The following MED13L variants were observed in gnomAD, a reference collection of about 807,000 sequenced individuals.
The protein encoded by MED13L is mediator of RNA polymerase II transcription subunit 13-like.
MED13L carries 7 observed loss-of-function variants against 220.9 expected under a neutral mutation model. That is an observed-to-expected ratio of 0.03 (90% CI 0.02 to 0.06). The LOEUF (loss-of-function observed/expected upper bound fraction) is 0.06, where lower values mean the gene tolerates loss of function less well. Among genes scored for constraint, MED13L ranks in the 10% least tolerant of loss-of-function variants. MED13L has a pLI of 1.00. For missense variants in MED13L, 1,965 were observed against 2,760.5 expected, an observed-to-expected ratio of 0.71 and a Z score of 6.46; for synonymous variants, 1,011 against 1,015.2, an observed-to-expected ratio of 1.00 and a Z score of 0.08.
At chr12:116,138,690 C>T (rs1303558461) in intron 2 of MED13L, among the ~76,000 whole-genome samples, 1 of 152,222 alleles carries the variant, frequency 6.6e-6, no homozygotes, top group Non-Finnish European at 1.5e-5. Flanking sequence ...AAAACATCTG[C>T]AATATTGTGA....
chr12:115,990,883 G>C (rs1878011936), intron 17 of MED13L, 137 bp downstream of exon 17: 2 of 852,200 alleles, frequency 2.3e-6, no homozygotes, highest in Non-Finnish European at 3.7e-6. Flanking sequence ...AATCAATACA[G>C]CTCTCACTTT....
chr12:116,059,123 A>G (rs1159762097), intron 4 of MED13L, among the ~76,000 whole-genome samples: 1 of 152,202 alleles, frequency 6.6e-6, no homozygotes, highest in African/African-American at 2.4e-5. Context: ...GATGGCGTGC[A>G]GTCACGCGAT....
At chr12:116,236,264 A>G (rs959877289) in intron 2 of MED13L, among the ~76,000 whole-genome samples, 1 of 152,200 alleles carries the variant, frequency 6.6e-6, no homozygotes, top group African/African-American at 2.4e-5. Context: ...ATACCCTAAA[A>G]AATATCAGGA....
chr12:116,215,255 C>T (rs974217168), intron 2 of MED13L, among the ~76,000 whole-genome samples: 2 of 152,160 alleles, frequency 1.3e-5, no homozygotes, highest in African/African-American at 2.4e-5. Context: ...TCTAAGTGAA[C>T]ATTCTTTGTT....
In MED13L at chr12:115,983,034, A is replaced by C. The variant is rs557745490; in HGVS notation, c.4955+83T>G. 9.1e-6 allele frequency: 13 copies of C among 1,422,574 alleles called. No individual in the cohort carries two copies. The South Asian group carries it at 1.4e-4, about 15-fold the overall frequency. The allele number at this position is 1,422,574 out of a possible 1,614,324, so 88.1% of individuals were successfully genotyped here. On this transcript the variant is annotated intron_variant, in intron 21 of 30. Coordinates refer to ENST00000281928, the MANE Select transcript of MED13L (RefSeq NM_015335.5). Reference sequence around the variant, plus strand: ...ACTTCATAGGATTCACAGAATCATGAGGTCAAGGGAGAAAAGGTGCAGAAG... The same window carrying C: ...ACTTCATAGGATTCACAGAATCATGCGGTCAAGGGAGAAAAGGTGCAGAAG...
At chr12:116,026,569 T>A (rs767123625) in intron 4 of MED13L, among the ~76,000 whole-genome samples, 5 of 152,160 alleles carry the variant, frequency 3.3e-5, no homozygotes, top group Admixed American at 6.6e-5. Flanking sequence ...GTGGGCCCCA[T>A]AAATCTGCAT....
intron 9 of MED13L, among the ~76,000 whole-genome samples, chr12:116,010,864 C>T (rs1221684585): frequency 1.3e-5 from 2 of 149,906 alleles, no homozygotes; most frequent in Non-Finnish European, 3.0e-5. Context: ...GCATACATGG[C>T]AAAAATTAAG....
Position 115,968,816 on chromosome 12 carries a change from T to A in MED13L, c.6225+124A>T, listed in dbSNP as rs1395652419. The stretch of plus-strand genomic sequence containing the variant: ...ATAGTCAGTTTCCCACACTTATTTC[T>A]CTTGTACCAAGGACCCAGACCATCA... On this transcript the variant is annotated intron_variant, in intron 28 of 30. Transcript: ENST00000281928. The A allele has an allele frequency of 2.4e-6, 3 of 1,225,798 alleles. No homozygotes were observed. In the African/African-American group the frequency reaches 4.4e-5, roughly 18 times the overall value. 75.9% of individuals were successfully genotyped at this position (1,225,798 alleles called of 1,614,324 possible). A position where few individuals can be genotyped will look rare whatever the true frequency, so the allele number is the denominator to read the frequency against.
At chr12:116,274,093 G>C (rs999383469) in intron 1 of MED13L, among the ~76,000 whole-genome samples, 4 of 152,150 alleles carry the variant, frequency 2.6e-5, no homozygotes, top group African/African-American at 9.6e-5. Flanking sequence ...ACAGCAGTTA[G>C]AATAAGAAAC....
At chr12:116,260,225 G>A (rs751883996) in intron 1 of MED13L, among the ~76,000 whole-genome samples, 16 of 152,118 alleles carry the variant, frequency 1.1e-4, no homozygotes, top group African/African-American at 2.9e-4. Flanking sequence ...CCCCACATAC[G>A]AAGGCTGAAT....
intron 10 of MED13L, chr12:116,008,174 C>T: frequency 1.8e-6 from 1 of 559,076 alleles, no homozygotes; most frequent in Non-Finnish European, 3.0e-6. Flanking sequence ...TTGGAGTGTA[C>T]TTAAATGGCA....
chr12:115,991,393 A>C lies in MED13L; in HGVS notation c.3561T>G (p.Phe1187Leu), dbSNP rs1287265326. ...GLFLEDELDIFGKNSDIGQAA... is the reference protein window; with the variant it reads ...GLFLEDELDILGKNSDIGQAA... Reference sequence around the variant, plus strand: ...CCTGACCAATATCAGAATTCTTCCCAAAAATATCCAACTCATCTTCAAGGA... The same window carrying C: ...CCTGACCAATATCAGAATTCTTCCCCAAAATATCCAACTCATCTTCAAGGA... The change falls in exon 17 of 31, where the codon TTT becomes TTG. Residue 1187 changes from phenylalanine (F) to leucine (L), a missense_variant. Around this residue, in one of 10 missense-constraint regions of MED13L, gnomAD observed 165 missense variants for 190.8 expected, o/e 0.86. Coordinates refer to ENST00000281928, the MANE Select transcript of MED13L (RefSeq NM_015335.5). This position sits in a 1 kb window ranked among gnomAD's most constrained non-coding sequence, Gnocchi z 7.7. The C allele has an allele frequency of 3.1e-6, 5 of 1,614,022 alleles. No homozygotes were observed. Among genetic ancestry groups the C allele is most frequent in the Middle Eastern group, 1.6e-4 (1 of 6,062 alleles).
chr12:116,163,810 C>T (rs1879057989), intron 2 of MED13L, among the ~76,000 whole-genome samples: 1 of 152,044 alleles, frequency 6.6e-6, no homozygotes, highest in South Asian at 2.1e-4. Context: ...GAGACTATTT[C>T]CTAATATAAG....
At chr12:116,031,929 A>G (rs1326537457) in intron 4 of MED13L, among the ~76,000 whole-genome samples, 1 of 152,120 alleles carries the variant, frequency 6.6e-6, no homozygotes, top group Non-Finnish European at 1.5e-5. Context: ...GAGATCAAGC[A>G]TGTAGATAAG....
At chr12:116,041,018 T>C (rs1290651953) in intron 4 of MED13L, among the ~76,000 whole-genome samples, 3 of 152,122 alleles carry the variant, frequency 2.0e-5, no homozygotes, top group Non-Finnish European at 4.4e-5. Flanking sequence ...GTGTTACTAA[T>C]GAACACGTGC....
intron 2 of MED13L, among the ~76,000 whole-genome samples, chr12:116,207,055 C>T (rs1218069341): frequency 6.6e-6 from 1 of 151,850 alleles, no homozygotes; most frequent in Non-Finnish European, 1.5e-5. Flanking sequence ...TCTAGGTATA[C>T]GAATACAGTC....
chr12:116,176,889 A>C (rs1441647476), intron 2 of MED13L, among the ~76,000 whole-genome samples: 1 of 151,810 alleles, frequency 6.6e-6, no homozygotes, highest in Non-Finnish European at 1.5e-5. Flanking sequence ...AAAAAAAAAA[A>C]AAAAAAAAGG....
intron 3 of MED13L, 69 bp from the exon 4 acceptor site, chr12:116,096,821 C>CA: frequency 2.8e-6 from 3 of 1,086,672 alleles, no homozygotes; most frequent in Non-Finnish European, 4.3e-6. Flanking sequence ...TGAAGCAATA[C>CA]ACCAGATGAG....
chr12:116,000,995 T>G (rs1878703119), intron 14 of MED13L, among the ~76,000 whole-genome samples: 4 of 152,112 alleles, frequency 2.6e-5, no homozygotes, highest in Admixed American at 2.6e-4. Context: ...TACATTTTTA[T>G]AAAAAAAGTG....
Sources: gnomAD v4.1 joint callset for allele counts (sites outside exome capture counted in the v4.1 genomes callset) on GRCh38, gnomAD v4.1.1 for gene constraint, gnomAD v4.1.1 regional missense constraint, Gnocchi (gnomAD v3.1) non-coding constraint, MANE v1.5 for transcripts, NCBI Gene and HGNC (gene_info 2026-07-23, HGNC 2026-07-21) for gene names.